Variants in CCDC74A observed in about 807,000 individuals in gnomAD.
CCDC74A encodes coiled-coil domain containing 74A, also known as coiled-coil domain-containing protein 74A.
A neutral mutation model predicts 37.6 loss-of-function variants in CCDC74A; 38 were observed. The ratio of observed to expected loss-of-function variants is 1.01; its 90% CI spans 0.78 to 1.33. CCDC74A has a LOEUF of 1.33. Ranked by LOEUF, CCDC74A falls within the 40% of genes most tolerant of loss-of-function variation. The pLI is 0.00. For missense variants in CCDC74A, 340 were observed against 403.4 expected, an observed-to-expected ratio of 0.84 and a Z score of 1.35; for synonymous variants, 134 against 165.2, an observed-to-expected ratio of 0.81 and a Z score of 1.45.
chr2:131,532,754 G>T lies in CCDC74A; in HGVS notation c.651G>T (p.Trp217Cys). Residue 217 changes from tryptophan to cysteine, a missense_variant, in exon 5 of 8, where the codon TGG becomes TGT. Transcript: ENST00000409856. The stretch of plus-strand genomic sequence containing the variant: ...GCGAAGTGCTCATCCGCGAGCTGTG[G>T]AATACCAACCTCCTGCAGACCCAAG... Reference protein sequence around the residue: ...RQCEVLIRELWNTNLLQTQEL... With the variant: ...RQCEVLIRELCNTNLLQTQEL... 1 of 1,613,612 alleles carries T rather than the reference G, an allele frequency of 6.2e-7. No individual in the cohort carries two copies. Among genetic ancestry groups the T allele is most frequent in the Non-Finnish European group, 8.5e-7 (1 of 1,179,774 alleles).
rs763737771 is a variant in CCDC74A, at chr2:131,532,626, T to C, written c.523T>C (p.Cys175Arg). 40 of 1,607,776 alleles carry C rather than the reference T, an allele frequency of 2.5e-5. 1 individual carries two copies. In the East Asian group the frequency reaches 8.9e-4, roughly 36 times the overall value. ...AGAGGCCTCTAATGCAGGAGCTGCC[T>C]GTATGGGGAACAGCCAGCACCAGGG... The part of the protein sequence containing the change: ...KAEASNAGAA[C>R]MGNSQHQGRQ... Residue 175 changes from cysteine (C) to arginine (R), a missense_variant, in exon 5 of 8, where the codon TGT becomes CGT. Coordinates refer to ENST00000409856, the MANE Select transcript of CCDC74A (RefSeq NM_001258306.3).
chr2:131,529,052 C>G (rs1680724646), intron 1 of CCDC74A: 2 of 204,936 alleles, frequency 9.8e-6, no homozygotes, highest in Middle Eastern at 2.1e-3. Flanking sequence ...CCTCCTGCCC[C>G]GAGCAGAAGG....
Position 131,528,169 on chromosome 2 carries a change from A to G in CCDC74A, c.199A>G (p.Met67Val). Residue 67 changes from methionine to valine, a missense_variant, in exon 1 of 8, where the codon ATG becomes GTG. Around this residue, in one of 3 missense-constraint regions of CCDC74A, gnomAD observed 154 missense variants for 153.9 expected, o/e 1.00. Transcript: ENST00000409856. ...GTTCCTGCAGCAGCAGCACTCGGAG[A>G]TGCTGGCCAAGCTCCATGAGGAGAT... ...LQFLQQQHSE[M>V]LAKLHEEIEH... 6.2e-7 allele frequency: 1 copy of G among 1,613,850 alleles called. No individual in the cohort carries two copies. The highest frequency in any genetic ancestry group is 8.5e-7 in the Non-Finnish European group (1 of 1,179,824).
upstream of CCDC74A, among the ~76,000 whole-genome samples, chr2:131,523,765 A>G (rs561132846): frequency 6.6e-6 from 1 of 152,346 alleles, no homozygotes; most frequent in Admixed American, 6.5e-5. Context: ...ATGTGCATTA[A>G]GAGACAAAGT....
intron 2 of CCDC74A, 32 bp downstream of exon 2, chr2:131,529,723 A>G (rs749558078): frequency 1.2e-6 from 2 of 1,611,228 alleles, no homozygotes; most frequent in South Asian, 1.1e-5. Flanking sequence ...GACTGATGGG[A>G]TGCTCTTGCC....
Position 131,529,689 on chromosome 2 carries a change from A to C in CCDC74A, c.293A>C (p.Lys98Thr). The change falls in exon 2 of 8, where the codon AAA (lysine) becomes ACA (threonine). Residue 98 changes from lysine (K) to threonine (T), a missense_variant and splice_region_variant. Coordinates refer to ENST00000409856, the MANE Select transcript of CCDC74A (RefSeq NM_001258306.3). Reference protein sequence around the residue: ...KLIMNQTSQKKDSLSMSSFQS... With the variant: ...KLIMNQTSQKTDSLSMSSFQS... ...ATAATGAATCAGACATCACAGAAGA[A>C]AGGTGAGAACTGGGCCCTTCAGTGA... The C allele has an allele frequency of 3.1e-6, 5 of 1,613,990 alleles. No individual in the cohort carries two copies. The highest frequency in any genetic ancestry group is 3.4e-6 in the Non-Finnish European group (4 of 1,179,854).
At chr2:131,533,214 C>T in intron 7 of CCDC74A, 55 bp from the exon 8 acceptor site, 1 of 1,610,074 alleles carries the variant, frequency 6.2e-7, no homozygotes, top group Admixed American at 1.7e-5. Flanking sequence ...GCCGCACTCC[C>T]CACACACTCC....
In CCDC74A at chr2:131,533,029, C is replaced by A. The variant is rs777952052; in HGVS notation, c.769C>A (p.His257Asn). ...TTCACCCAGGGACCAAGAAGCCACGCATTTCCCCAAGGTCTCCACCAAGAG... is the reference window on the plus strand; with the variant it reads ...TTCACCCAGGGACCAAGAAGCCACGAATTTCCCCAAGGTCTCCACCAAGAG... ...ASFPRDQEAT[H>N]FPKVSTKSLS... is the part of the protein sequence containing the mutation. The change falls in exon 7 of 8, where the codon CAT (histidine) becomes AAT (asparagine). Residue 257 changes from histidine (H) to asparagine (N), a missense_variant. Physicochemically the swap from His to Asn is moderately conservative, Grantham distance 68. Around this residue, in one of 3 missense-constraint regions of CCDC74A, gnomAD observed 185 missense variants for 231.5 expected, o/e 0.80. Coordinates refer to ENST00000409856, the MANE Select transcript of CCDC74A (RefSeq NM_001258306.3). 6.2e-7 allele frequency: 1 copy of A among 1,613,838 alleles called. No individual in the cohort carries two copies. Among genetic ancestry groups the A allele is most frequent in the Non-Finnish European group, 8.5e-7 (1 of 1,179,876 alleles).
rs539319342 is a variant in CCDC74A, at chr2:131,529,254, A to G, written c.251-393A>G. 18 of 366,342 alleles carry G rather than the reference A, an allele frequency of 4.9e-5. No homozygotes were observed. The East Asian group carries it at 9.7e-4, about 20-fold the overall frequency. 22.7% of individuals were successfully genotyped at this position (366,342 alleles called of 1,614,324 possible). ...GCTTCCCCATGTCTTCTTGAGCCTC[A>G]GGACGCCCAGTTCCTAATGTCTTCT... On this transcript the variant is annotated intron_variant, in intron 1 of 7. Transcript: ENST00000409856.
At chr2:131,527,524 G>A (rs1157053888), upstream of CCDC74A, among the ~76,000 whole-genome samples, 1 of 151,836 alleles carries the variant, frequency 6.6e-6, no homozygotes, top group Non-Finnish European at 1.5e-5. Context: ...TTTTTAGACA[G>A]AGTCTCTGTC....
At chr2:131,531,992 C>T (rs1559429708) in intron 4 of CCDC74A, among the ~76,000 whole-genome samples, 190 bp downstream of exon 4, 1 of 149,692 alleles carries the variant, frequency 6.7e-6, no homozygotes, top group Non-Finnish European at 1.5e-5. Flanking sequence ...TCGGTGGGCG[C>T]TGTCTTCCTC....
At chr2:131,523,825 C>A, upstream of CCDC74A, among the ~76,000 whole-genome samples, 1 of 151,950 alleles carries the variant, frequency 6.6e-6, no homozygotes, top group African/African-American at 2.4e-5. Flanking sequence ...CTCAGATGGG[C>A]ATGCATACAG....
At position 131,528,150 on chromosome 2, in the gene CCDC74A, G is replaced by T. The variant is rs749947326; in HGVS notation, c.180G>T (p.Leu60=). Residue 60 remains leucine (L), a synonymous_variant, in exon 1 of 8, where the codon CTG becomes CTT. Transcript: ENST00000409856. ...NLDLEKSLQF[L]QQQHSEMLAK... is the part of the protein sequence containing the mutation. ...ACCTGGAGAAAAGCCTGCAGTTCCT[G>T]CAGCAGCAGCACTCGGAGATGCTGG... is the stretch of plus-strand genomic sequence containing the variant. The T allele has an allele frequency of 1.2e-6, 2 of 1,613,930 alleles. No individual in the cohort carries two copies. The highest frequency in any genetic ancestry group is 2.2e-5 in the South Asian group (2 of 91,084).
chr2:131,528,969 G>T (rs1680705540), intron 1 of CCDC74A, among the ~76,000 whole-genome samples: 1 of 137,616 alleles, frequency 7.3e-6, no homozygotes, highest in African/African-American at 2.8e-5. Context: ...GTCCTCCGGC[G>T]GGGCCTTCCC....
chr2:131,532,698 C>T lies in CCDC74A; in HGVS notation c.595C>T (p.Pro199Ser). 1.2e-6 allele frequency: 2 copies of T among 1,613,612 alleles called. No individual in the cohort carries two copies. The highest frequency in any genetic ancestry group is 1.7e-4 in the Middle Eastern group (1 of 6,004). ...GAHPPMILPLPLRKPTTLRQC... is the reference protein window; with the variant it reads ...GAHPPMILPLSLRKPTTLRQC... ...ACACCCCCCAATGATCCTGCCCCTT[C>T]CCCTGCGAAAGCCCACCACACTTAG... The change falls in exon 5 of 8, where the codon CCC becomes TCC. Residue 199 changes from proline to serine, a missense_variant. By Grantham distance (74) the Pro-to-Ser change is moderately conservative. Coordinates refer to ENST00000409856, the MANE Select transcript of CCDC74A (RefSeq NM_001258306.3).
chr2:131,530,103 C>G (rs1396884662), intron 2 of CCDC74A: 2 of 1,550,200 alleles, frequency 1.3e-6, no homozygotes, highest in African/African-American at 2.7e-5. Context: ...CCCAGGGGCT[C>G]TGGACACACT....
In CCDC74A at chr2:131,533,344, G is replaced by A. The variant is rs561502809; in HGVS notation, c.885G>A (p.Arg295=). ...KQTPKNNFAE[R]QKRLQAMQKR... is the part of the protein sequence containing the mutation. ...CCCCGAAGAACAACTTTGCCGAGAG[G>A]CAGAAGAGGCTGCAGGCAATGCAGA... Residue 295 remains arginine, a synonymous_variant, in exon 8 of 8, where the codon AGG becomes AGA. Coordinates refer to ENST00000409856, the MANE Select transcript of CCDC74A (RefSeq NM_001258306.3). The A allele has an allele frequency of 1.2e-6, 2 of 1,613,604 alleles. No individual in the cohort carries two copies. The highest frequency in any genetic ancestry group is 2.2e-5 in the East Asian group (1 of 44,874).
At position 131,527,985 on chromosome 2, in the gene CCDC74A, G is replaced by C. The variant is rs1680452580; in HGVS notation, c.15G>C (p.Gly5=). 2.1e-6 allele frequency: 3 copies of C among 1,457,466 alleles called. No individual in the cohort carries two copies. Among genetic ancestry groups the C allele is most frequent in the Middle Eastern group, 2.6e-4 (1 of 3,912 alleles). The allele number at this position is 1,457,466 out of a possible 1,614,324, so 90.3% of individuals were successfully genotyped here. The stretch of plus-strand genomic sequence containing the variant: ...GCGATGGCGATATGAGCGGTGCGGG[G>C]GTGGCGGCTGGGACGCGGCCCCCCA... MSGA[G]VAAGTRPPSS... Residue 5 remains glycine, a synonymous_variant, in exon 1 of 8, where the codon GGG becomes GGC. Transcript: ENST00000409856.
chr2:131,530,114 C>T (rs1473794296), intron 2 of CCDC74A: 1 of 1,550,254 alleles, frequency 6.5e-7, no homozygotes, highest in African/African-American at 1.4e-5. Context: ...TGGACACACT[C>T]CATCCAGGGA....
Sources: gnomAD v4.1 joint callset for allele counts (sites outside exome capture counted in the v4.1 genomes callset) on GRCh38, gnomAD v4.1.1 for gene constraint, gnomAD v4.1.1 regional missense constraint, MANE v1.5 for transcripts, NCBI Gene and HGNC (gene_info 2026-07-23, HGNC 2026-07-21) for gene names.